Variants in BICRAL observed in about 807,000 individuals in gnomAD.
BICRAL encodes BICRA like chromatin remodeling complex associated protein, also known as BRD4-interacting chromatin-remodeling complex-associated protein-like.
A neutral mutation model predicts 91.8 loss-of-function variants in BICRAL; 8 were observed. That is an observed-to-expected ratio of 0.09 (90% confidence interval 0.05 to 0.16). The LOEUF is 0.16. BICRAL is among the 10% of genes least tolerant of loss of function. BICRAL has a pLI of 1.00. For synonymous variants in BICRAL, 445 were observed against 491.1 expected (o/e 0.91, Z 1.24); for missense variants, 1,038 against 1,310.9 (o/e 0.79, Z 3.21).
At chr6:42,755,789 C>T (rs1460346088) in intron 1 of BICRAL, among the ~76,000 whole-genome samples, 2 of 152,084 alleles carry the variant, frequency 1.3e-5, no homozygotes, top group African/African-American at 4.8e-5. Context: ...CCTGCTTCAG[C>T]ATCCCAAGTA....
At chr6:42,768,844 T>G (rs1762677945) in intron 1 of BICRAL, among the ~76,000 whole-genome samples, 1 of 152,190 alleles carries the variant, frequency 6.6e-6, no homozygotes, top group Non-Finnish European at 1.5e-5. Context: ...GTGTCCCAAG[T>G]GCTAATACCC....
intron 1 of BICRAL, among the ~76,000 whole-genome samples, chr6:42,773,191 G>A (rs1197185580): frequency 4.0e-5 from 6 of 151,296 alleles, no homozygotes; most frequent in South Asian, 4.2e-4. Flanking sequence ...GGATTCTTCC[G>A]CCTCAGCCTC....
Position 42,829,005 on chromosome 6 carries a change from C to T in BICRAL, c.672C>T (p.Ser224=), listed in dbSNP as rs1422246008. 1.9e-6 allele frequency: 3 copies of T among 1,612,956 alleles called. No homozygotes were observed. The highest frequency in any genetic ancestry group is 1.3e-5 in the African/African-American group (1 of 74,886). Residue 224 remains serine, a synonymous_variant, in exon 6 of 13, where the codon TCC becomes TCT. Coordinates refer to ENST00000314073, the MANE Select transcript of BICRAL (RefSeq NM_001393499.1). ...TTGGGTCATTTGGTAATCATCCTTC[C>T]ATGATGACTATTAATAACCTAGATG... ...QLIGSFGNHP[S]MMTINNLDGS... is the part of the protein sequence containing the mutation.
intron 7 of BICRAL, chr6:42,852,451 C>G (rs761761596): frequency 3.4e-6 from 2 of 594,746 alleles, no homozygotes; most frequent in Non-Finnish European, 6.3e-6. Context: ...CACCTGAGAT[C>G]AGGAGTTCAA....
In BICRAL at chr6:42,865,163, T is replaced by C. The variant is rs115631038; in HGVS notation, c.2957T>C (p.Leu986Ser). The change falls in exon 13 of 13, where the codon TTA becomes TCA. Residue 986 changes from leucine to serine, a missense_variant. Leu to Ser is a moderately radical substitution (Grantham distance 145). Around this residue, in one of 5 missense-constraint regions of BICRAL, gnomAD observed 92 missense variants for 147.8 expected, o/e 0.62. Coordinates refer to ENST00000314073, the MANE Select transcript of BICRAL (RefSeq NM_001393499.1). Reference protein sequence around the residue: ...SLRNSPKNEVLHTDIMKGSGE... With the variant: ...SLRNSPKNEVSHTDIMKGSGE... ...AGGAATTCTCCAAAGAATGAAGTTT[T>C]ACACACAGACATCATGAAAGGGTCA... 5.4e-3 allele frequency: 8,752 copies of C among 1,614,146 alleles called. 32 individuals are homozygous for C. The highest frequency in any genetic ancestry group is 6.5e-3 in the Non-Finnish European group (7,629 of 1,180,012).
At chr6:42,774,537 T>A (rs1762783488) in intron 1 of BICRAL, among the ~76,000 whole-genome samples, 2 of 152,174 alleles carry the variant, frequency 1.3e-5, no homozygotes. Context: ...ATCCTCCTGA[T>A]TGTCTTAGAC....
At chr6:42,820,199 A>G (rs1764101285) in intron 2 of BICRAL, among the ~76,000 whole-genome samples, 1 of 152,128 alleles carries the variant, frequency 6.6e-6, no homozygotes, top group African/African-American at 2.4e-5. Flanking sequence ...GTGTCAAGTA[A>G]GGAGGGAAGC....
At chr6:42,757,682 C>G (rs1762483533) in intron 1 of BICRAL, among the ~76,000 whole-genome samples, 2 of 152,224 alleles carry the variant, frequency 1.3e-5, no homozygotes, top group African/African-American at 4.8e-5. Context: ...CCACCGCGCC[C>G]AGCCTGTTAA....
chr6:42,866,499 T>C lies in BICRAL; in HGVS notation c.*1053T>C, dbSNP rs573818565. 2.8e-4 allele frequency: 50 copies of C among 179,630 alleles called. No homozygotes were observed. The highest frequency in any genetic ancestry group is 9.7e-4 in the Admixed American group (17 of 17,546). The allele number at this position is 179,630 out of a possible 1,614,324, so 11.1% of individuals were successfully genotyped here. The stretch of plus-strand genomic sequence containing the variant: ...CATCAAAAGCACTTTCATTTGAAAA[T>C]TATTATGTTGTAATTTTTCAGTTTA... On this transcript the variant is annotated 3_prime_UTR_variant, in exon 13 of 13. Coordinates refer to ENST00000314073, the MANE Select transcript of BICRAL (RefSeq NM_001393499.1).
chr6:42,859,861 G>A (rs1581639633), intron 10 of BICRAL, among the ~76,000 whole-genome samples: 1 of 151,914 alleles, frequency 6.6e-6, no homozygotes, highest in African/African-American at 2.4e-5. Flanking sequence ...TAGCCAGGAT[G>A]GTCTCCATCT....
chr6:42,766,726 C>CACCAG (rs1762637820), intron 1 of BICRAL, among the ~76,000 whole-genome samples: 1 of 152,016 alleles, frequency 6.6e-6, no homozygotes, highest in African/African-American at 2.4e-5. Context: ...GTAATCCGAG[C>CACCAG]TACTCGGGAG....
chr6:42,842,872 T>A (rs1330106288), intron 6 of BICRAL, among the ~76,000 whole-genome samples: 3 of 151,120 alleles, frequency 2.0e-5, no homozygotes, highest in Admixed American at 1.3e-4. Context: ...TTTTTTTTTT[T>A]AGATGGAGTC....
At chr6:42,819,886 C>G (rs2113936048) in intron 2 of BICRAL, among the ~76,000 whole-genome samples, 1 of 152,236 alleles carries the variant, frequency 6.6e-6, no homozygotes. Flanking sequence ...CTGGCAGTTC[C>G]TGATGCTGCT....
Position 42,866,490 on chromosome 6 carries a change from AT to A in BICRAL, c.*1047del, listed in dbSNP as rs1290966968. ...AATACCAAGCATCAAAAGCACTTTC[AT>A]TTGAAAATTATTATGTTGTAATTTT... On this transcript the variant is annotated 3_prime_UTR_variant, in exon 13 of 13. Transcript: ENST00000314073. 5.6e-6 allele frequency: 1 copy of A among 177,018 alleles called. No individual in the cohort carries two copies. The highest frequency in any genetic ancestry group is 2.4e-5 in the African/African-American group (1 of 42,312). 11.0% of individuals were successfully genotyped at this position (177,018 alleles called of 1,614,324 possible).
At chr6:42,784,961 TGTA>T (rs1763059058) in intron 1 of BICRAL, among the ~76,000 whole-genome samples, 1 of 152,180 alleles carries the variant, frequency 6.6e-6, no homozygotes. Context: ...TGGACTGTCT[TGTA>T]CTATGCTATG....
At chr6:42,841,467 G>GT (rs765724658) in intron 6 of BICRAL, among the ~76,000 whole-genome samples, 4 of 152,114 alleles carry the variant, frequency 2.6e-5, no homozygotes, top group Non-Finnish European at 5.9e-5. Context: ...GATTACAGGC[G>GT]TGAGCCACGC....
chr6:42,787,056 G>T (rs894968696), intron 1 of BICRAL, among the ~76,000 whole-genome samples: 2 of 152,176 alleles, frequency 1.3e-5, no homozygotes, highest in Non-Finnish European at 1.5e-5. Flanking sequence ...GGAGGCTATT[G>T]TAGTCAGCCC....
chr6:42,866,847 T>C lies in BICRAL; in HGVS notation c.*1401T>C, dbSNP rs1765720817. 1 of 456,282 alleles carries C rather than the reference T, an allele frequency of 2.2e-6. No homozygotes were observed. Among genetic ancestry groups the C allele is most frequent in the Non-Finnish European group, 4.4e-6 (1 of 226,822 alleles). 28.3% of individuals were successfully genotyped at this position (456,282 alleles called of 1,614,324 possible). A position where few individuals can be genotyped will look rare whatever the true frequency, so the allele number is the denominator to read the frequency against. On this transcript the variant is annotated 3_prime_UTR_variant, in exon 13 of 13. Transcript: ENST00000314073. ...TTTCTGTTGTTACCTTTATTCTTAATGTCATTGTAACCATCACTTATCTCC... is the reference window on the plus strand; with the variant it reads ...TTTCTGTTGTTACCTTTATTCTTAACGTCATTGTAACCATCACTTATCTCC...
chr6:42,751,381 G>T (rs77148578), intron 1 of BICRAL, among the ~76,000 whole-genome samples: 1,778 of 152,204 alleles, frequency 0.012, 30 homozygotes, highest in African/African-American at 0.041. Context: ...TCTGCATTTT[G>T]CTGGTTGCAT....
Sources: gnomAD v4.1 joint callset for allele counts (sites outside exome capture counted in the v4.1 genomes callset) on GRCh38, gnomAD v4.1.1 for gene constraint, gnomAD v4.1.1 regional missense constraint, MANE v1.5 for transcripts, NCBI Gene and HGNC (gene_info 2026-07-23, HGNC 2026-07-21) for gene names.